UBE3A: variants seen among roughly 807,000 people sequenced by gnomAD.
UBE3A encodes the protein ubiquitin-protein ligase E3A.
In UBE3A, 6 loss-of-function variants were observed where a neutral mutation model predicts 83.4. The observed-to-expected ratio is 0.07, with a 90% CI of 0.04 to 0.14. The LOEUF is 0.14. UBE3A is among the 10% of genes least tolerant of loss of function. The probability of loss-of-function intolerance (pLI) is 1.00; values close to 1 mark genes in which losing one functional copy is unlikely to be tolerated. For synonymous variants in UBE3A, 337 were observed against 355.4 expected (o/e 0.95, Z 0.58); for missense variants, 456 against 1,036.1 (o/e 0.44, Z 7.69).
At chr15:25,369,827 C>A (rs1566951340) in intron 6 of UBE3A, among the ~76,000 whole-genome samples, 1 of 152,088 alleles carries the variant, frequency 6.6e-6, no homozygotes, top group Non-Finnish European at 1.5e-5. Context: ...CAAATGGCAA[C>A]CCCATCTGGA....
chr15:25,413,116 A>G, intron 1 of UBE3A: 1 of 409,760 alleles, frequency 2.4e-6, no homozygotes, highest in South Asian at 1.8e-5. Context: ...CAGAATAACA[A>G]AAACTGTAAG....
intron 7 of UBE3A, among the ~76,000 whole-genome samples, chr15:25,360,125 C>T (rs2077826305): frequency 6.6e-6 from 1 of 152,140 alleles, no homozygotes; most frequent in Non-Finnish European, 1.5e-5. Flanking sequence ...TTCTAAAGTG[C>T]TTTCAATTCA....
At chr15:25,354,821 A>G in intron 9 of UBE3A, 138 bp from the exon 10 acceptor site, 2 of 784,716 alleles carry the variant, frequency 2.5e-6, no homozygotes, top group Non-Finnish European at 4.0e-6. Flanking sequence ...TTTTACACCT[A>G]CTTCTTAACA....
rs1359785864 is a variant in UBE3A, at chr15:25,339,271, AG to A, written c.2499-15del. ...GATGTAGGTAACCTAAATAGAGAAA[AG>A]GGGAAAAAAACAGGAAAACTGTAAG... On this transcript the variant is annotated splice_polypyrimidine_tract_variant and intron_variant, in intron 12 of 12. Transcript: ENST00000648336. 1 of 1,610,660 alleles carries A rather than the reference AG, an allele frequency of 6.2e-7. No individual in the cohort carries two copies. Among genetic ancestry groups the A allele is most frequent in the Non-Finnish European group, 8.5e-7 (1 of 1,178,558 alleles).
intron 1 of UBE3A, among the ~76,000 whole-genome samples, chr15:25,415,171 T>C (rs1047264359): frequency 6.6e-6 from 1 of 152,236 alleles, no homozygotes; most frequent in Non-Finnish European, 1.5e-5. Context: ...ACTGTCCTAC[T>C]ACAGTGCCCC....
chr15:25,409,297 G>A (rs1393791661), intron 2 of UBE3A, 90 bp from the exon 3 acceptor site: 1 of 459,758 alleles, frequency 2.2e-6, no homozygotes, highest in South Asian at 6.5e-5. Context: ...CTTCAAATTA[G>A]GTGTCAATGT....
rs569012236 is a variant in UBE3A, at chr15:25,366,924, G to A, written c.1608+3642C>T. On this transcript the variant is annotated intron_variant, in intron 6 of 12. Coordinates refer to ENST00000648336, the MANE Select transcript of UBE3A (RefSeq NM_130839.5). Reference sequence around the variant, plus strand: ...ACAGCTTCTAATCTAAACCTCTAGAGGTTAGGGCCCTGGATTTTATTTATT... The same window carrying A: ...ACAGCTTCTAATCTAAACCTCTAGAAGTTAGGGCCCTGGATTTTATTTATT... 3.9e-5 allele frequency among the ~76,000 whole-genome samples: 6 copies of A among 151,980 alleles called. No individual in the cohort carries two copies. In the South Asian group the frequency reaches 1.2e-3, roughly 32 times the overall value.
At chr15:25,342,311 C>T (rs191574750) in intron 11 of UBE3A, among the ~76,000 whole-genome samples, 106 of 152,092 alleles carry the variant, frequency 7.0e-4, no homozygotes, top group Middle Eastern at 3.4e-3. Flanking sequence ...AGAGCACCAC[C>T]GAAGAACAGA....
intron 4 of UBE3A, among the ~76,000 whole-genome samples, chr15:25,378,960 G>A (rs1031773064): frequency 2.6e-5 from 4 of 152,138 alleles, no homozygotes; most frequent in Admixed American, 2.6e-4. Flanking sequence ...TCCCACTTTA[G>A]AGGGGAATAA....
At chr15:25,367,793 G>C (rs1191198915) in intron 6 of UBE3A, among the ~76,000 whole-genome samples, 1 of 151,950 alleles carries the variant, frequency 6.6e-6, no homozygotes, top group African/African-American at 2.4e-5. Flanking sequence ...TGCTAGTCTG[G>C]TTTGAATTTC....
Position 25,334,758 on chromosome 15 carries a change from A to G in UBE3A, c.*4379T>C, listed in dbSNP as rs1179640291. On this transcript the variant is annotated 3_prime_UTR_variant, in exon 13 of 13. Coordinates refer to ENST00000648336, the MANE Select transcript of UBE3A (RefSeq NM_130839.5). ...CCAGAAAGTCTTATATTTATGGTCA[A>G]CTGTTCTTTGACAAGGGTACCAGGA... 2 of 152,232 alleles carry G rather than the reference A, an allele frequency of 1.3e-5. No individual in the cohort carries two copies. The highest frequency in any genetic ancestry group is 4.8e-5 in the African/African-American group (2 of 41,460). The allele number at this position is 152,232 out of a possible 1,614,324, so 9.4% of individuals were successfully genotyped here.
intron 1 of UBE3A, among the ~76,000 whole-genome samples, chr15:25,437,656 T>C (rs144473671): frequency 3.9e-5 from 6 of 152,258 alleles, no homozygotes; most frequent in South Asian, 2.1e-4. Flanking sequence ...ATTTAGCATA[T>C]CCATAAAAAG....
intron 1 of UBE3A, among the ~76,000 whole-genome samples, chr15:25,429,239 T>G (rs779155765): frequency 6.6e-6 from 1 of 152,220 alleles, no homozygotes; most frequent in Non-Finnish European, 1.5e-5. Flanking sequence ...CTCAAGACAG[T>G]TGTTACTTTG....
chr15:25,419,245 C>G (rs1358443468), intron 1 of UBE3A: 2 of 151,974 alleles, frequency 1.3e-5, no homozygotes, highest in African/African-American at 4.8e-5. Context: ...CATACATGCT[C>G]AAGTTAAGGG....
chr15:25,350,552 CTTT>C (rs2076350542), intron 11 of UBE3A, among the ~76,000 whole-genome samples: 1 of 152,024 alleles, frequency 6.6e-6, no homozygotes, highest in Non-Finnish European at 1.5e-5. Flanking sequence ...GGAAAAGACA[CTTT>C]TAGTTAAATA....
At position 25,375,739 on chromosome 15, in the gene UBE3A, T is replaced by C. The variant is rs771985048; in HGVS notation, c.87A>G (p.Leu29=). The change falls in exon 5 of 13, where the codon CTA becomes CTG. Residue 29 remains leucine, a synonymous_variant. Transcript: ENST00000648336. ...SRMKRAAAKH[L]IERYYHQLTE... ...TTAACTGGTGGTAGTAGCGTTCTATTAGATGCTTTGCAGCTGCTCGCTTCC... is the reference window on the plus strand; with the variant it reads ...TTAACTGGTGGTAGTAGCGTTCTATCAGATGCTTTGCAGCTGCTCGCTTCC... The C allele has an allele frequency of 6.8e-6, 11 of 1,612,972 alleles. No individual in the cohort carries two copies. The East Asian group carries it at 1.6e-4, about 23-fold the overall frequency.
chr15:25,395,270 T>C (rs2085295340), intron 4 of UBE3A, among the ~76,000 whole-genome samples: 1 of 152,214 alleles, frequency 6.6e-6, no homozygotes, highest in African/African-American at 2.4e-5. Context: ...GGGAAGCCTC[T>C]GAAAAGTTCT....
intron 11 of UBE3A, among the ~76,000 whole-genome samples, chr15:25,350,171 A>C (rs758770560): frequency 2.0e-5 from 3 of 152,088 alleles, no homozygotes; most frequent in Non-Finnish European, 2.9e-5. Flanking sequence ...TGACGTAAGA[A>C]GATTGCATGA....
At chr15:25,364,632 GTTTTTTTT>G (rs763599008) in intron 6 of UBE3A, among the ~76,000 whole-genome samples, 17 of 121,174 alleles carry the variant, frequency 1.4e-4, no homozygotes, top group African/African-American at 2.9e-4. Flanking sequence ...GATTTTTAGG[GTTTTTTTT>G]GTTTGTTTTT....
Sources: allele counts gnomAD v4.1 joint callset (sites outside exome capture counted in the v4.1 genomes callset), GRCh38; gene constraint gnomAD v4.1.1; transcripts MANE v1.5; gene names NCBI Gene and HGNC (gene_info 2026-07-23, HGNC 2026-07-21).